SLC4A10: variants seen among roughly 807,000 people sequenced by gnomAD.
SLC4A10 encodes sodium-driven chloride bicarbonate exchanger.
Under a neutral mutation model 137.7 loss-of-function variants are expected in SLC4A10, and 42 were observed. That is an observed-to-expected ratio of 0.30 (90% CI 0.24 to 0.39). SLC4A10 has a LOEUF of 0.39. Among genes scored for constraint, SLC4A10 ranks in the 10% least tolerant of loss-of-function variants. The probability of loss-of-function intolerance (pLI) is 1.00; values close to 1 mark genes in which losing one functional copy is unlikely to be tolerated. For synonymous variants in SLC4A10, 474 were observed against 464.1 expected (o/e 1.02, Z -0.27); for missense variants, 925 against 1,355.0 (o/e 0.68, Z 4.98).
intron 12 of SLC4A10, chr2:161,902,040 C>T (rs1385687637): frequency 8.8e-6 from 4 of 456,378 alleles, no homozygotes; most frequent in Middle Eastern, 3.3e-4. Context: ...CACCAATATC[C>T]GGTATCTTCG....
At chr2:161,961,324 C>A (rs2105894459) in intron 21 of SLC4A10, among the ~76,000 whole-genome samples, 1 of 152,234 alleles carries the variant, frequency 6.6e-6, no homozygotes. Flanking sequence ...TCACGGAACA[C>A]CCAAAGTTGA....
At chr2:161,920,296 C>T (rs1374311317) in intron 15 of SLC4A10, among the ~76,000 whole-genome samples, 3 of 152,146 alleles carry the variant, frequency 2.0e-5, no homozygotes, top group Non-Finnish European at 4.4e-5. Flanking sequence ...ACAGTAATAA[C>T]TTGGCTTAAA....
intron 26 of SLC4A10, among the ~76,000 whole-genome samples, chr2:161,978,311 C>T (rs1699703593): frequency 7.3e-6 from 1 of 137,810 alleles, no homozygotes; most frequent in African/African-American, 2.8e-5. Context: ...CGCTTGAGCC[C>T]AAGAGGCAGA....
chr2:161,847,877 T>C (rs925508358), intron 4 of SLC4A10, among the ~76,000 whole-genome samples: 1 of 152,182 alleles, frequency 6.6e-6, no homozygotes, highest in South Asian at 2.1e-4. Context: ...TTATATTCCA[T>C]TGGTTATATA....
intron 3 of SLC4A10, among the ~76,000 whole-genome samples, chr2:161,810,779 T>G (rs1215578971): frequency 1.3e-5 from 2 of 152,066 alleles, no homozygotes; most frequent in Non-Finnish European, 2.9e-5. Context: ...AGTATTTTGT[T>G]GAGGATTTTG....
intron 3 of SLC4A10, among the ~76,000 whole-genome samples, chr2:161,837,765 G>A (rs2058908965): frequency 6.6e-6 from 1 of 152,156 alleles, no homozygotes; most frequent in South Asian, 2.1e-4. Context: ...CTAAATGTTT[G>A]TGTTCCCCCA....
chr2:161,941,110 T>A (rs1487599112), intron 15 of SLC4A10, among the ~76,000 whole-genome samples: 2 of 152,016 alleles, frequency 1.3e-5, no homozygotes, highest in African/African-American at 2.4e-5. Context: ...AGAAAATAAC[T>A]CGAAAAATAC....
chr2:161,907,290 A>G (rs1015759576), intron 15 of SLC4A10, among the ~76,000 whole-genome samples: 2 of 152,230 alleles, frequency 1.3e-5, no homozygotes, highest in Non-Finnish European at 2.9e-5. Context: ...TGTCAGGGAC[A>G]CTCAGAAAAC....
At chr2:161,707,139 A>T (rs1444831284) in intron 1 of SLC4A10, among the ~76,000 whole-genome samples, 2 of 151,518 alleles carry the variant, frequency 1.3e-5, no homozygotes, top group East Asian at 3.9e-4. Context: ...ACATAGATGG[A>T]AATATTTGTT....
intron 1 of SLC4A10, among the ~76,000 whole-genome samples, chr2:161,699,014 T>TA (rs1436299479): frequency 1.3e-5 from 2 of 151,916 alleles, no homozygotes; most frequent in African/African-American, 4.8e-5. Context: ...CAGTGATTTT[T>TA]ATTTTATTAT....
chr2:161,895,249 T>G (rs893373468), intron 11 of SLC4A10, among the ~76,000 whole-genome samples: 2 of 152,124 alleles, frequency 1.3e-5, no homozygotes, highest in Admixed American at 6.6e-5. Flanking sequence ...GAACTCATCA[T>G]TTTTATGGCT....
rs182674683 is a variant in SLC4A10 at position 161,856,971 on chromosome 2, C to A, written c.577+1841C>A. Among the ~76,000 whole-genome samples the A allele has an allele frequency of 1.5e-3, 232 of 152,292 alleles. 7 individuals are homozygous for A. The South Asian group carries it at 0.046, about 30-fold the overall frequency. On this transcript the variant is annotated intron_variant, in intron 5 of 26. Coordinates refer to ENST00000446997, the MANE Select transcript of SLC4A10 (RefSeq NM_001178015.2). The stretch of plus-strand genomic sequence containing the variant: ...GAAACAAAACTGTCACATTCTACCA[C>A]CTGGCAAAATTAGCCTCAGAACATA...
At chr2:161,756,740 G>T (rs2049693138) in intron 1 of SLC4A10, among the ~76,000 whole-genome samples, 1 of 152,006 alleles carries the variant, frequency 6.6e-6, no homozygotes, top group African/African-American at 2.4e-5. Flanking sequence ...TCTTCCTACA[G>T]TCCAGGAAGA....
intron 3 of SLC4A10, among the ~76,000 whole-genome samples, chr2:161,836,593 A>G (rs1363760082): frequency 0.024 from 1,141 of 46,988 alleles, 48 homozygotes; most frequent in Non-Finnish European, 0.038. Context: ...AGAAAGAAAG[A>G]AAGAAAGGAA....
intron 1 of SLC4A10, among the ~76,000 whole-genome samples, chr2:161,708,108 A>G (rs1462996559): frequency 6.6e-6 from 1 of 151,462 alleles, no homozygotes; most frequent in Non-Finnish European, 1.5e-5. Context: ...AAATTCCTGA[A>G]AATTAAAGGG....
intron 3 of SLC4A10, among the ~76,000 whole-genome samples, chr2:161,820,348 A>T (rs2057507710): frequency 6.6e-6 from 1 of 152,240 alleles, no homozygotes; most frequent in African/African-American, 2.4e-5. Flanking sequence ...AGCATTCACA[A>T]GTGTTAAAGC....
chr2:161,767,199 T>C (rs1320558319), intron 1 of SLC4A10, among the ~76,000 whole-genome samples: 4 of 112,128 alleles, frequency 3.6e-5, no homozygotes, highest in African/African-American at 1.3e-4. Context: ...TGTGTGTGTG[T>C]GTGTATATAT....
chr2:161,641,046 T>C (rs2035251316), intron 1 of SLC4A10, among the ~76,000 whole-genome samples: 1 of 152,166 alleles, frequency 6.6e-6, no homozygotes, highest in Non-Finnish European at 1.5e-5. Flanking sequence ...ATGACAATTT[T>C]CAATTTTTGA....
At chr2:161,687,247 T>G (rs2041526804) in intron 1 of SLC4A10, among the ~76,000 whole-genome samples, 1 of 152,160 alleles carries the variant, frequency 6.6e-6, no homozygotes. Context: ...GTTACAAATA[T>G]ATACATTATG....
Sources: allele counts gnomAD v4.1 joint callset (sites outside exome capture counted in the v4.1 genomes callset), GRCh38; gene constraint gnomAD v4.1.1; transcripts MANE v1.5; gene names NCBI Gene and HGNC (gene_info 2026-07-23, HGNC 2026-07-21).